PID1: variants seen among roughly 807,000 people sequenced by gnomAD.
The protein encoded by PID1 is PTB-containing, cubilin and LRP1-interacting protein.
Under a neutral mutation model 19.1 loss-of-function variants are expected in PID1, and 10 were observed. That is an observed-to-expected ratio of 0.52 (90% CI 0.32 to 0.89). The LOEUF (loss-of-function observed/expected upper bound fraction) is 0.89, where lower values mean the gene tolerates loss of function less well. PID1 is among the 40% of genes least tolerant of loss of function. PID1 has a pLI of 0.03. For missense variants in PID1, 248 were observed against 285.3 expected (o/e 0.87, Z 0.94); for synonymous variants, 130 against 116.0 (o/e 1.12, Z -0.78).
At chr2:229,076,937 T>C (rs981207416) in intron 2 of PID1, among the ~76,000 whole-genome samples, 9 of 152,184 alleles carry the variant, frequency 5.9e-5, no homozygotes, top group Non-Finnish European at 1.3e-4. Context: ...GGTCAAATGG[T>C]ATTTCTAGTT....
chr2:229,132,415 C>T (rs544843916), intron 2 of PID1, among the ~76,000 whole-genome samples: 1 of 152,310 alleles, frequency 6.6e-6, no homozygotes, highest in African/African-American at 2.4e-5. Flanking sequence ...CATGAGAGAT[C>T]CAGCTTTCGG....
chr2:229,236,030 T>C (rs2106271578), intron 1 of PID1, among the ~76,000 whole-genome samples: 1 of 152,276 alleles, frequency 6.6e-6, no homozygotes, highest in East Asian at 1.9e-4. Context: ...GGTATGAATA[T>C]TATCTTGGAA....
chr2:229,212,537 C>T (rs1447268257), intron 1 of PID1, among the ~76,000 whole-genome samples: 1 of 152,184 alleles, frequency 6.6e-6, no homozygotes, highest in Non-Finnish European at 1.5e-5. Context: ...AGTGTCCTCT[C>T]TGATGTCCTA....
intron 2 of PID1, among the ~76,000 whole-genome samples, chr2:229,074,790 T>A (rs930498419): frequency 1.3e-5 from 2 of 152,204 alleles, no homozygotes; most frequent in Non-Finnish European, 2.9e-5. Flanking sequence ...CTTTAAATGA[T>A]CAACGGCCTA....
At chr2:229,251,944 TAAAAAAA>T (rs11284650) in intron 1 of PID1, among the ~76,000 whole-genome samples, 1 of 71,474 alleles carries the variant, frequency 1.4e-5, no homozygotes, top group Non-Finnish European at 2.9e-5. Flanking sequence ...AACCATAAGC[TAAAAAAA>T]AAAAAAAAAA....
At chr2:229,027,261 T>A (rs1693444793) in intron 2 of PID1, among the ~76,000 whole-genome samples, 1 of 152,050 alleles carries the variant, frequency 6.6e-6, no homozygotes, top group African/African-American at 2.4e-5. Flanking sequence ...TTTAAGAAAA[T>A]AACTTTTTAA....
chr2:229,042,468 G>T (rs2106175642), intron 2 of PID1, among the ~76,000 whole-genome samples: 1 of 152,230 alleles, frequency 6.6e-6, no homozygotes, highest in African/African-American at 2.4e-5. Context: ...CAAAAGACCT[G>T]TTTGTGATCA....
chr2:229,055,580 T>C lies in PID1; in HGVS notation c.178-29472A>G, dbSNP rs569191326. ...TTATAACTATGACTTTTCCCATTCA[T>C]AAAAGCCCCAGACATTTGTATCTTT... is the stretch of plus-strand genomic sequence containing the variant. On this transcript the variant is annotated intron_variant, in intron 2 of 2. Coordinates refer to ENST00000392055, the MANE Select transcript of PID1 (RefSeq NM_001100818.2). Among the ~76,000 whole-genome samples, 10 of 152,352 alleles carry C rather than the reference T, an allele frequency of 6.6e-5. No homozygotes were observed. In the East Asian group the frequency reaches 1.9e-3, roughly 29 times the overall value.
chr2:229,232,233 C>T, intron 1 of PID1: 6 of 1,005,876 alleles, frequency 6.0e-6, no homozygotes, highest in Non-Finnish European at 8.0e-6. Context: ...ACCATCCTGG[C>T]TAACACAGTG....
intron 2 of PID1, among the ~76,000 whole-genome samples, chr2:229,121,728 A>G (rs1695525845): frequency 6.6e-6 from 1 of 152,148 alleles, no homozygotes; most frequent in Admixed American, 6.5e-5. Flanking sequence ...GTATTTGTTT[A>G]TTCATTCAAT....
chr2:229,199,280 T>C (rs1046186978), intron 1 of PID1, among the ~76,000 whole-genome samples: 3 of 152,098 alleles, frequency 2.0e-5, no homozygotes, highest in Non-Finnish European at 2.9e-5. Flanking sequence ...TTCTACCCAA[T>C]ACTAGTACCA....
chr2:229,154,612 C>A (rs1418604245), intron 2 of PID1, among the ~76,000 whole-genome samples: 1 of 152,160 alleles, frequency 6.6e-6, no homozygotes, highest in African/African-American at 2.4e-5. Flanking sequence ...ATACCACCAT[C>A]ACCCAAGATC....
intron 1 of PID1, among the ~76,000 whole-genome samples, chr2:229,239,054 C>T (rs1036932759): frequency 9.2e-5 from 14 of 151,904 alleles, no homozygotes; most frequent in African/African-American, 3.4e-4. Flanking sequence ...CCTTTGTTGT[C>T]AAATAACCAA....
At chr2:229,085,573 A>G (rs1461277309) in intron 2 of PID1, among the ~76,000 whole-genome samples, 1 of 152,206 alleles carries the variant, frequency 6.6e-6, no homozygotes, top group Non-Finnish European at 1.5e-5. Flanking sequence ...TGACTATTGT[A>G]GAAACATCAG....
intron 1 of PID1, among the ~76,000 whole-genome samples, chr2:229,212,271 T>C (rs1313507857): frequency 6.6e-6 from 1 of 152,234 alleles, no homozygotes; most frequent in Non-Finnish European, 1.5e-5. Flanking sequence ...TCTGGAGAAA[T>C]TTATAATTCC....
intron 2 of PID1, among the ~76,000 whole-genome samples, chr2:229,104,262 T>C (rs1695130951): frequency 6.6e-6 from 1 of 152,192 alleles, no homozygotes; most frequent in African/African-American, 2.4e-5. Context: ...ACAGCACATG[T>C]CTTTGTGGGG....
Position 229,144,782 on chromosome 2 carries a change from G to A in PID1, c.177+11036C>T, listed in dbSNP as rs527825894. 3.9e-5 allele frequency among the ~76,000 whole-genome samples: 6 copies of A among 152,152 alleles called. No homozygotes were observed. In the South Asian group the frequency reaches 1.0e-3, roughly 26 times the overall value. On this transcript the variant is annotated intron_variant, in intron 2 of 2. Coordinates refer to ENST00000392055, the MANE Select transcript of PID1 (RefSeq NM_001100818.2). ...TAATTACGATCACTTCTTCAAGCAG[G>A]ACTGAGGTGTGCAGAAGGGATGAAA...
At chr2:229,136,662 G>A (rs939177037) in intron 2 of PID1, among the ~76,000 whole-genome samples, 36 of 152,176 alleles carry the variant, frequency 2.4e-4, no homozygotes, top group Non-Finnish European at 4.7e-4. Context: ...ATTAAGGAAC[G>A]GCACTTTCTC....
chr2:229,248,475 GCATTTTCCTGTAGT>G (rs367652525), intron 1 of PID1, among the ~76,000 whole-genome samples: 130 of 152,272 alleles, frequency 8.5e-4, no homozygotes, highest in African/African-American at 2.6e-3. Flanking sequence ...TGGAAAGTTA[GCATTTTCCTGTAGT>G]CAACTGATAG....
Sources: gnomAD v4.1 joint callset for allele counts (sites outside exome capture counted in the v4.1 genomes callset) on GRCh38, gnomAD v4.1.1 for gene constraint, MANE v1.5 for transcripts, NCBI Gene and HGNC (gene_info 2026-07-23, HGNC 2026-07-21) for gene names.